Variants in STARD4 observed in about 807,000 individuals in gnomAD.
The protein encoded by STARD4 is stAR-related lipid transfer protein 4.
In STARD4, 33 loss-of-function variants were observed where a neutral mutation model predicts 24.9. That is an observed-to-expected ratio of 1.32 (90% CI 1.00 to 1.77). The LOEUF (loss-of-function observed/expected upper bound fraction) is 1.77. STARD4 is among the 40% of genes most tolerant of loss of function. The probability of loss-of-function intolerance (pLI) is 0.00; values close to 1 mark genes in which losing one functional copy is unlikely to be tolerated. For missense variants in STARD4, 238 were observed against 249.3 expected (o/e 0.95, Z 0.31); for synonymous variants, 88 against 77.4 (o/e 1.14, Z -0.72).
In STARD4 at chr5:111,507,437, TTC is replaced by T. The variant is rs1341087986; in HGVS notation, c.-6_-5del. 3 of 1,611,804 alleles carry T rather than the reference TTC, an allele frequency of 1.9e-6. No homozygotes were observed. Among genetic ancestry groups the T allele is most frequent in the Non-Finnish European group, 2.5e-6 (3 of 1,178,516 alleles). ...CAACATCAGACAGGCCTTCCATTAC[TTC>T]TCTCTGTTATGGAGACCAAGATTAG... On this transcript the variant is annotated 5_prime_UTR_variant, in exon 2 of 6. Transcript: ENST00000296632. The surrounding 1 kb of genome is among the most constrained non-coding windows in gnomAD (Gnocchi z 4.4).
At chr5:111,504,944 G>T in intron 3 of STARD4, 1 of 436,620 alleles carries the variant, frequency 2.3e-6, no homozygotes, top group Non-Finnish European at 4.5e-6. Context: ...ACATGCATTT[G>T]CCCTTTTTGA....
chr5:111,506,218 A>AT, intron 3 of STARD4, 112 bp downstream of exon 3: 1 of 311,036 alleles, frequency 3.2e-6, no homozygotes, highest in Non-Finnish European at 6.0e-6. Context: ...AAAAAAAAAA[A>AT]GTTAAAGAAC....
At position 111,502,038 on chromosome 5, in the gene STARD4, T is replaced by C. The variant is rs1174223089; in HGVS notation, c.206A>G (p.His69Arg). The C allele has an allele frequency of 3.7e-6, 6 of 1,614,208 alleles. No homozygotes were observed. The South Asian group carries it at 6.6e-5, about 18-fold the overall frequency. ...CAAACGACAAGGCCCTGGGCGTATA[T>C]GGTCTATTATACTATAGACAAGGTC... is the stretch of plus-strand genomic sequence containing the variant. The part of the protein sequence containing the change: ...IDDLVYSIID[H>R]IRPGPCRLDW... Residue 69 changes from histidine (H) to arginine (R), a missense_variant, in exon 4 of 6, where the codon CAT becomes CGT. His to Arg is a conservative substitution (Grantham distance 29). Transcript: ENST00000296632.
rs775520877 is a variant in STARD4 at position 111,499,840 on chromosome 5, G to T, written c.*46C>A. On this transcript the variant is annotated 3_prime_UTR_variant, in exon 6 of 6. Coordinates refer to ENST00000296632, the MANE Select transcript of STARD4 (RefSeq NM_139164.3). ...AATGATTTTTACAGGCCATGTAGCT[G>T]AGAGAGTTGATCTGTAGTACTACAA... 5 of 1,527,434 alleles carry T rather than the reference G, an allele frequency of 3.3e-6. No homozygotes were observed. Among genetic ancestry groups the T allele is most frequent in the Non-Finnish European group, 4.5e-6 (5 of 1,105,304 alleles). 94.6% of individuals were successfully genotyped at this position (1,527,434 alleles called of 1,614,324 possible).
chr5:111,498,286 G>A lies in STARD4; in HGVS notation c.*1600C>T, dbSNP rs1364076151. ...CGGTGAATTATGTAATTACTTATTG[G>A]AGGTATATGTTGATAAGGACAAAGA... On this transcript the variant is annotated 3_prime_UTR_variant, in exon 6 of 6. Transcript: ENST00000296632. 6.6e-6 allele frequency: 1 copy of A among 151,784 alleles called. No individual in the cohort carries two copies. Among genetic ancestry groups the A allele is most frequent in the African/African-American group, 2.4e-5 (1 of 41,324 alleles). 9.4% of individuals were successfully genotyped at this position (151,784 alleles called of 1,614,324 possible). A position where few individuals can be genotyped will look rare whatever the true frequency, so the allele number is the denominator to read the frequency against.
intron 3 of STARD4, among the ~76,000 whole-genome samples, chr5:111,504,479 G>T (rs1406328589): frequency 6.6e-6 from 1 of 152,094 alleles, no homozygotes; most frequent in East Asian, 1.9e-4. Context: ...ATTGTTTATG[G>T]ATATATAAAT....
At position 111,497,581 on chromosome 5, in the gene STARD4, A is replaced by G. The variant is rs1756166193; in HGVS notation, c.*2305T>C. On this transcript the variant is annotated 3_prime_UTR_variant, in exon 6 of 6. Transcript: ENST00000296632. Reference sequence around the variant, plus strand: ...ATCAATTACATGTTAAAATGATAACATTTTGGATGTATTGAGTTAAATAAA... The same window carrying G: ...ATCAATTACATGTTAAAATGATAACGTTTTGGATGTATTGAGTTAAATAAA... The G allele has an allele frequency of 6.6e-6, 1 of 152,074 alleles. No homozygotes were observed. Among genetic ancestry groups the G allele is most frequent in the African/African-American group, 2.4e-5 (1 of 41,458 alleles). The allele number at this position is 152,074 out of a possible 1,614,324, so 9.4% of individuals were successfully genotyped here.
Position 111,498,819 on chromosome 5 carries a change from C to T in STARD4, c.*1067G>A, listed in dbSNP as rs1015932622. The T allele has an allele frequency of 1.3e-5, 2 of 151,910 alleles. No individual in the cohort carries two copies. Among genetic ancestry groups the T allele is most frequent in the Middle Eastern group, 3.2e-3 (1 of 316 alleles). 9.4% of individuals were successfully genotyped at this position (151,910 alleles called of 1,614,324 possible). A position where few individuals can be genotyped will look rare whatever the true frequency, so the allele number is the denominator to read the frequency against. ...GGCAAAAAATAAATAAAAACAAAAG[C>T]AAAAAACAGCTCCACTGTTCCACTT... On this transcript the variant is annotated 3_prime_UTR_variant, in exon 6 of 6. Transcript: ENST00000296632.
chr5:111,508,987 T>A (rs943648358), intron 1 of STARD4, among the ~76,000 whole-genome samples: 2 of 152,136 alleles, frequency 1.3e-5, no homozygotes, highest in Non-Finnish European at 2.9e-5. Context: ...TTAGGATCTA[T>A]GTAAGTGATG....
Position 111,496,041 on chromosome 5 carries a change from G to T in STARD4, c.*3845C>A, listed in dbSNP as rs987391960. ...ATAATATCAATGACCAATTTTAAGA[G>T]TGTCTACAAATTTTTATTTTGTTTC... On this transcript the variant is annotated 3_prime_UTR_variant, in exon 6 of 6. Coordinates refer to ENST00000296632, the MANE Select transcript of STARD4 (RefSeq NM_139164.3). 1.3e-5 allele frequency: 2 copies of T among 151,950 alleles called. No individual in the cohort carries two copies. The highest frequency in any genetic ancestry group is 4.8e-5 in the African/African-American group (2 of 41,416). The allele number at this position is 151,950 out of a possible 1,614,324, so 9.4% of individuals were successfully genotyped here.
Position 111,507,308 on chromosome 5 carries a change from T to A in STARD4, c.105+21A>T. ...TTAGATAGAAGATATACCCCAAATA[T>A]AAGTAATTGAACTAATTTACCGTTT... On this transcript the variant is annotated intron_variant, in intron 2 of 5. Coordinates refer to ENST00000296632, the MANE Select transcript of STARD4 (RefSeq NM_139164.3). This position sits in a 1 kb window ranked among gnomAD's most constrained non-coding sequence, Gnocchi z 4.4. 6.3e-7 allele frequency: 1 copy of A among 1,587,930 alleles called. No homozygotes were observed. Among genetic ancestry groups the A allele is most frequent in the Non-Finnish European group, 8.6e-7 (1 of 1,158,832 alleles).
rs1048673626 is a variant in STARD4, at chr5:111,507,609, T to C, written c.-9-167A>G. On this transcript the variant is annotated intron_variant, in intron 1 of 5. Coordinates refer to ENST00000296632, the MANE Select transcript of STARD4 (RefSeq NM_139164.3). The surrounding 1 kb of genome is among the most constrained non-coding windows in gnomAD (Gnocchi z 4.4). ...AATCTCTGAGAGTAGGACCCGGGCA[T>C]AGTTTTTTTCTAATTGCTCCCAAGA... 1.2e-4 allele frequency among the ~76,000 whole-genome samples: 19 copies of C among 152,134 alleles called. No homozygotes were observed. Among genetic ancestry groups the C allele is most frequent in the African/African-American group, 3.9e-4 (16 of 41,438 alleles).
rs775606715 is a variant in STARD4 at position 111,507,307 on chromosome 5, A to G, written c.105+22T>C. On this transcript the variant is annotated intron_variant, in intron 2 of 5. Transcript: ENST00000296632. This position sits in a 1 kb window ranked among gnomAD's most constrained non-coding sequence, Gnocchi z 4.4. The stretch of plus-strand genomic sequence containing the variant: ...ATTAGATAGAAGATATACCCCAAAT[A>G]TAAGTAATTGAACTAATTTACCGTT... 3.1e-6 allele frequency: 5 copies of G among 1,589,238 alleles called. No individual in the cohort carries two copies. The highest frequency in any genetic ancestry group is 1.1e-5 in the South Asian group (1 of 89,514).
chr5:111,506,974 A>G (rs554792862), intron 2 of STARD4, among the ~76,000 whole-genome samples: 4 of 152,332 alleles, frequency 2.6e-5, no homozygotes, highest in South Asian at 4.1e-4. Context: ...CTACCTTCAT[A>G]GGCTTTTTGA....
At chr5:111,501,613 T>A (rs893028745) in intron 4 of STARD4, among the ~76,000 whole-genome samples, 2 of 152,248 alleles carry the variant, frequency 1.3e-5, no homozygotes, top group Non-Finnish European at 2.9e-5. Context: ...ATGGAAAAGC[T>A]GCACACATTC....
intron 1 of STARD4, 116 bp downstream of exon 1, chr5:111,512,269 C>T (rs40992): frequency 0.6 from 91,862 of 152,510 alleles, 30,403 homozygotes; most frequent in African/African-American, 0.9. Context: ...GCGAGCTCCC[C>T]AGATCCATGG....
At position 111,498,970 on chromosome 5, in the gene STARD4, T is replaced by C. The variant is rs1363415083; in HGVS notation, c.*916A>G. 1.3e-5 allele frequency: 2 copies of C among 152,206 alleles called. No homozygotes were observed. Among genetic ancestry groups the C allele is most frequent in the Admixed American group, 1.3e-4 (2 of 15,280 alleles). The allele number at this position is 152,206 out of a possible 1,614,324, so 9.4% of individuals were successfully genotyped here. A position where few individuals can be genotyped will look rare whatever the true frequency, so the allele number is the denominator to read the frequency against. Reference sequence around the variant, plus strand: ...TATGTACCTTTCTGCATTTCATGTCTTGTTTAGCATGTATTTCAGGGCTCA... The same window carrying C: ...TATGTACCTTTCTGCATTTCATGTCCTGTTTAGCATGTATTTCAGGGCTCA... On this transcript the variant is annotated 3_prime_UTR_variant, in exon 6 of 6. Coordinates refer to ENST00000296632, the MANE Select transcript of STARD4 (RefSeq NM_139164.3).
chr5:111,497,422 T>C lies in STARD4; in HGVS notation c.*2464A>G, dbSNP rs1313526919. 6.6e-6 allele frequency: 1 copy of C among 152,078 alleles called. No individual in the cohort carries two copies. 9.4% of individuals were successfully genotyped at this position (152,078 alleles called of 1,614,324 possible). On this transcript the variant is annotated 3_prime_UTR_variant, in exon 6 of 6. Transcript: ENST00000296632. ...ATAAATATGCTATAGGACTGTGCTA[T>C]TCAATACAGTATCCACTGGCCTCAT...
chr5:111,502,678 A>C (rs1300811887), intron 3 of STARD4, among the ~76,000 whole-genome samples: 1 of 151,866 alleles, frequency 6.6e-6, no homozygotes, highest in Non-Finnish European at 1.5e-5. Flanking sequence ...CAGTAATCCC[A>C]GCTACTTGGG....
Sources: allele counts gnomAD v4.1 joint callset (sites outside exome capture counted in the v4.1 genomes callset), GRCh38; gene constraint gnomAD v4.1.1; non-coding constraint Gnocchi (gnomAD v3.1); transcripts MANE v1.5; gene names NCBI Gene and HGNC (gene_info 2026-07-23, HGNC 2026-07-21).